Variants in ERBB4 observed in about 807,000 individuals in gnomAD.
ERBB4 encodes the protein receptor tyrosine-protein kinase erbB-4.
A neutral mutation model predicts 158.0 loss-of-function variants in ERBB4; 42 were observed. The ratio of observed to expected loss-of-function variants is 0.27; its 90% CI spans 0.21 to 0.34. The LOEUF (loss-of-function observed/expected upper bound fraction) is 0.34, where lower values mean the gene tolerates loss of function less well. Among genes scored for constraint, ERBB4 ranks in the 10% least tolerant of loss-of-function variants. The pLI is 1.00. For synonymous variants in ERBB4, 583 were observed against 558.7 expected, an observed-to-expected ratio of 1.04 and a Z score of -0.61; for missense variants, 1,333 against 1,624.1, an observed-to-expected ratio of 0.82 and a Z score of 3.08.
At chr2:211,393,815 T>C (rs1254687880) in intron 25 of ERBB4, among the ~76,000 whole-genome samples, 1 of 151,528 alleles carries the variant, frequency 6.6e-6, no homozygotes, top group Non-Finnish European at 1.5e-5. Context: ...AAGTCCTTTT[T>C]ATCTAAAATC....
chr2:212,262,192 G>A (rs941718336), intron 1 of ERBB4, among the ~76,000 whole-genome samples: 2 of 152,084 alleles, frequency 1.3e-5, no homozygotes, highest in Non-Finnish European at 2.9e-5. Flanking sequence ...CATAAAAGTA[G>A]ATGGCTTTTA....
intron 2 of ERBB4, among the ~76,000 whole-genome samples, chr2:212,106,925 G>T (rs544564382): frequency 3.3e-5 from 5 of 152,348 alleles, no homozygotes; most frequent in African/African-American, 9.6e-5. Flanking sequence ...TGAGGTTTGG[G>T]AACCTCTGCC....
At chr2:212,052,852 T>C (rs1164111672) in intron 2 of ERBB4, among the ~76,000 whole-genome samples, 1 of 152,208 alleles carries the variant, frequency 6.6e-6, no homozygotes, top group Non-Finnish European at 1.5e-5. Flanking sequence ...CCAATTTTAG[T>C]TGCTCAGAGA....
chr2:211,508,730 C>G (rs2065813604), intron 20 of ERBB4, among the ~76,000 whole-genome samples: 1 of 152,110 alleles, frequency 6.6e-6, no homozygotes, highest in African/African-American at 2.4e-5. Context: ...TTACTATTTA[C>G]AATTGCAAAG....
chr2:211,861,094 A>ATTT (rs1559585731), intron 3 of ERBB4, among the ~76,000 whole-genome samples: 5 of 48,716 alleles, frequency 1.0e-4, no homozygotes, highest in Non-Finnish European at 1.4e-4. Flanking sequence ...TAAAATATAT[A>ATTT]AATACATTAT....
intron 3 of ERBB4, among the ~76,000 whole-genome samples, chr2:211,837,718 A>T (rs2077372616): frequency 6.6e-6 from 1 of 152,116 alleles, no homozygotes; most frequent in Non-Finnish European, 1.5e-5. Flanking sequence ...GTGAATAAAA[A>T]ATACACATAA....
intron 3 of ERBB4, among the ~76,000 whole-genome samples, chr2:211,932,180 A>T (rs1286380316): frequency 1.3e-5 from 2 of 152,058 alleles, no homozygotes; most frequent in Middle Eastern, 3.2e-3. Context: ...TTTGAATTCA[A>T]ATAATAAATC....
At chr2:211,766,781 C>T (rs1192694090) in intron 4 of ERBB4, among the ~76,000 whole-genome samples, 3 of 152,108 alleles carry the variant, frequency 2.0e-5, no homozygotes, top group Non-Finnish European at 4.4e-5. Flanking sequence ...TCTCCACTCT[C>T]GAGTAACAAA....
intron 1 of ERBB4, among the ~76,000 whole-genome samples, chr2:212,528,331 C>T (rs1162946744): frequency 6.6e-6 from 1 of 152,070 alleles, no homozygotes; most frequent in Non-Finnish European, 1.5e-5. Context: ...GAAGGCAGAG[C>T]CAGCTGGCTC....
intron 20 of ERBB4, among the ~76,000 whole-genome samples, chr2:211,465,666 A>G (rs2064663268): frequency 6.6e-6 from 1 of 152,150 alleles, no homozygotes; most frequent in South Asian, 2.1e-4. Flanking sequence ...TATAATCAAA[A>G]TCTATCTTGA....
chr2:212,383,655 G>A (rs2090582178), intron 1 of ERBB4, among the ~76,000 whole-genome samples: 1 of 151,548 alleles, frequency 6.6e-6, no homozygotes, highest in Non-Finnish European at 1.5e-5. Context: ...CTAGCTTTCA[G>A]GAATTCAAGG....
chr2:212,112,156 G>T (rs2079430336), intron 2 of ERBB4, among the ~76,000 whole-genome samples: 1 of 152,034 alleles, frequency 6.6e-6, no homozygotes, highest in Admixed American at 6.6e-5. Context: ...TCCGGAATAG[G>T]TAGGAGCACA....
At chr2:212,021,147 C>G (rs772733289) in intron 2 of ERBB4, among the ~76,000 whole-genome samples, 1 of 151,970 alleles carries the variant, frequency 6.6e-6, no homozygotes, top group South Asian at 2.1e-4. Context: ...TCTCTTCTTA[C>G]CTTTTTGATC....
At chr2:212,243,561 T>C (rs1308791209) in intron 1 of ERBB4, among the ~76,000 whole-genome samples, 1 of 152,180 alleles carries the variant, frequency 6.6e-6, no homozygotes, top group Non-Finnish European at 1.5e-5. Flanking sequence ...ACTTTATCAC[T>C]GTGATCTTCT....
chr2:212,486,034 A>G (rs1689960990), intron 1 of ERBB4, among the ~76,000 whole-genome samples: 1 of 152,126 alleles, frequency 6.6e-6, no homozygotes, highest in Admixed American at 6.6e-5. Context: ...GAGAAAGAAC[A>G]TGCCAGTAAT....
chr2:211,822,681 T>C (rs541193562), intron 3 of ERBB4, among the ~76,000 whole-genome samples: 1 of 152,150 alleles, frequency 6.6e-6, no homozygotes, highest in African/African-American at 2.4e-5. Flanking sequence ...TGGGGAGATT[T>C]ATATAAAATA....
At chr2:211,737,084 A>G (rs899914034) in intron 5 of ERBB4, among the ~76,000 whole-genome samples, 1 of 152,190 alleles carries the variant, frequency 6.6e-6, no homozygotes, top group Non-Finnish European at 1.5e-5. Context: ...TCAGGGAAAT[A>G]TAAGTAACTA....
chr2:211,450,509 A>G (rs1192986347), intron 20 of ERBB4, among the ~76,000 whole-genome samples: 1 of 152,200 alleles, frequency 6.6e-6, no homozygotes, highest in African/African-American at 2.4e-5. Flanking sequence ...GGGTGGTGCT[A>G]GCAATGGTGG....
At chr2:211,960,038 T>C (rs1235659168) in intron 2 of ERBB4, among the ~76,000 whole-genome samples, 1 of 152,082 alleles carries the variant, frequency 6.6e-6, no homozygotes, top group Admixed American at 6.6e-5. Context: ...GAGAAGGAAG[T>C]TGTAGGAACA....
Sources: gnomAD v4.1 joint callset for allele counts (sites outside exome capture counted in the v4.1 genomes callset) on GRCh38, gnomAD v4.1.1 for gene constraint, MANE v1.5 for transcripts, NCBI Gene and HGNC (gene_info 2026-07-23, HGNC 2026-07-21) for gene names.